Variants in ARHGEF6 observed in about 807,000 individuals in gnomAD.
ARHGEF6 encodes the protein rho guanine nucleotide exchange factor 6.
In ARHGEF6, 9 loss-of-function variants were observed where a neutral mutation model predicts 70.3. That is an observed-to-expected ratio of 0.13 (90% CI 0.08 to 0.22). ARHGEF6 has a LOEUF of 0.22. Ranked by LOEUF, ARHGEF6 falls within the 10% of genes least tolerant of loss-of-function variation. ARHGEF6 has a pLI of 1.00. For missense variants in ARHGEF6, 470 were observed against 563.0 expected (o/e 0.83, Z 1.67); for synonymous variants, 201 against 207.8 (o/e 0.97, Z 0.28).
intron 6 of ARHGEF6, among the ~76,000 whole-genome samples, chrX:136,730,089 T>C (rs1480965825): frequency 1.8e-5 from 2 of 110,918 alleles, no homozygotes; most frequent in Non-Finnish European, 3.8e-5. Flanking sequence ...TTTAAAAACA[T>C]TTATATAACT....
At chrX:136,689,150 G>A (rs950425479) in intron 10 of ARHGEF6, among the ~76,000 whole-genome samples, 1 of 112,397 alleles carries the variant, frequency 8.9e-6, no homozygotes, top group African/African-American at 3.2e-5. Flanking sequence ...CAAATCAACT[G>A]ACAAACAAGA....
At chrX:136,755,806 A>G (rs935215845) in intron 2 of ARHGEF6, among the ~76,000 whole-genome samples, 1 of 111,921 alleles carries the variant, frequency 8.9e-6, no homozygotes, top group African/African-American at 3.2e-5. Flanking sequence ...ATTAGTCCTG[A>G]ATTTCCTATT....
At chrX:136,725,684 T>C (rs2076845719) in intron 6 of ARHGEF6, among the ~76,000 whole-genome samples, 1 of 111,845 alleles carries the variant, frequency 8.9e-6, no homozygotes, top group Non-Finnish European at 1.9e-5. Context: ...TTCAGAGCAG[T>C]ACAATTTGAT....
intron 2 of ARHGEF6, among the ~76,000 whole-genome samples, chrX:136,758,031 CTTTTTTTTTTTTTTTTTTT>C (rs1164537601): frequency 9.3e-4 from 13 of 14,033 alleles, no homozygotes; most frequent in Admixed American, 2.5e-3. Context: ...AAAATAAATT[CTTTTTTTTTTTTTTTTTTT>C]TTTTTTTTTT....
chrX:136,715,727 C>T (rs1417554027), intron 6 of ARHGEF6, among the ~76,000 whole-genome samples: 1 of 110,935 alleles, frequency 9.0e-6, no homozygotes, highest in Non-Finnish European at 1.9e-5. Context: ...AATATTAGGA[C>T]AGCACACTCA....
At position 136,678,096 on chromosome X, in the gene ARHGEF6, A is replaced by G. The variant is rs183436762; in HGVS notation, c.1831-140T>C. 173 of 557,234 alleles carry G rather than the reference A, an allele frequency of 3.1e-4. No individual in the cohort carries two copies. The African/African-American group carries it at 3.3e-3, about 11-fold the overall frequency. 45.9% of individuals were successfully genotyped at this position (557,234 alleles called of 1,213,427 possible). ...AATTACACAGAGGGAATATAATCAC[A>G]TTTCCCACATTAGTTTCAGATGCAA... On this transcript the variant is annotated intron_variant, in intron 16 of 21. Coordinates refer to ENST00000250617, the MANE Select transcript of ARHGEF6 (RefSeq NM_004840.3).
Position 136,708,733 on chromosome X carries a change from A to G in ARHGEF6, c.865T>C (p.Phe289Leu). The G allele has an allele frequency of 8.3e-7, 1 of 1,205,452 alleles. No individual in the cohort carries two copies. Among genetic ancestry groups the G allele is most frequent in the Non-Finnish European group, 1.1e-6 (1 of 890,440 alleles). ...TVEVTSLLGN[F>L]EEVCTFQQTL... ...TGTTGAAATGTGCATACTTCCTCGA[A>G]GTTTCCCAGTAAAGATGTAACCTCC... Residue 289 changes from phenylalanine to leucine, a missense_variant, in exon 8 of 22, where the codon TTC becomes CTC. Physicochemically the swap from Phe to Leu is conservative, Grantham distance 22 (BLOSUM62 0). Coordinates refer to ENST00000250617, the MANE Select transcript of ARHGEF6 (RefSeq NM_004840.3).
chrX:136,746,343 C>T (rs756996906), intron 3 of ARHGEF6, among the ~76,000 whole-genome samples: 9 of 112,304 alleles, frequency 8.0e-5, no homozygotes, highest in East Asian at 5.5e-4. Context: ...TTCAGCTATA[C>T]GCCTTGCAAT....
chrX:136,729,012 CT>C (rs1569411804), intron 6 of ARHGEF6, among the ~76,000 whole-genome samples: 57 of 71,803 alleles, frequency 7.9e-4, no homozygotes, highest in Non-Finnish European at 1.2e-3. Flanking sequence ...CTCTCTCTCT[CT>C]CTCTCTCTCT....
chrX:136,775,279 T>C (rs992581219), intron 2 of ARHGEF6, among the ~76,000 whole-genome samples: 9 of 111,372 alleles, frequency 8.1e-5, no homozygotes, highest in Admixed American at 5.8e-4. Flanking sequence ...CTGATGAACA[T>C]AGATGCAAAA....
At position 136,767,377 on chromosome X, in the gene ARHGEF6, G is replaced by A. The variant is rs184204511; in HGVS notation, c.249+12037C>T. 4,912 of 754,284 alleles carry A rather than the reference G, an allele frequency of 6.5e-3. 17 individuals are homozygous for A. The highest frequency in any genetic ancestry group is 0.019 in the South Asian group (279 of 14,840). The allele number at this position is 754,284 out of a possible 1,213,427, so 62.2% of individuals were successfully genotyped here. On this transcript the variant is annotated intron_variant, in intron 2 of 21. Transcript: ENST00000250617. The stretch of plus-strand genomic sequence containing the variant: ...GGGCTAGGCTCGCCCCAGCGGGGAG[G>A]GGCGGCTGCAACTTTGCGCCTGGAC...
intron 9 of ARHGEF6, among the ~76,000 whole-genome samples, chrX:136,700,301 G>A (rs2076556504): frequency 9.0e-6 from 1 of 111,176 alleles, no homozygotes; most frequent in East Asian, 2.8e-4. Flanking sequence ...GTGGCAGGTG[G>A]ATCACTTGAG....
chrX:136,669,527 A>G lies in ARHGEF6; in HGVS notation c.2145T>C (p.Val715=), dbSNP rs1442528440. 3.3e-6 allele frequency: 4 copies of G among 1,206,885 alleles called. No individual in the cohort carries two copies. Among genetic ancestry groups the G allele is most frequent in the Non-Finnish European group, 4.5e-6 (4 of 890,874 alleles). The change falls in exon 21 of 22, where the codon GTT becomes GTC. Residue 715 remains valine, a synonymous_variant. Transcript: ENST00000250617. ...GQTIMEEKSL[V]DTVYALKDEV... ...CGTCCTTCAAGGCGTAAACAGTATC[A>G]ACAAGGCTCCTAGAAAATAAAGATA...
intron 10 of ARHGEF6, among the ~76,000 whole-genome samples, chrX:136,688,587 G>A (rs1024559979): frequency 2.7e-5 from 3 of 110,220 alleles, no homozygotes; most frequent in Non-Finnish European, 3.8e-5. Context: ...TGAGCCCAGA[G>A]GTCGAGACTG....
intron 7 of ARHGEF6, among the ~76,000 whole-genome samples, chrX:136,712,270 G>A (rs2076694159): frequency 1.8e-5 from 2 of 110,774 alleles, no homozygotes; most frequent in African/African-American, 3.3e-5. Flanking sequence ...TACCACGCCC[G>A]GCTAATTTGC....
chrX:136,719,485 ATG>A (rs753819053), intron 6 of ARHGEF6, among the ~76,000 whole-genome samples: 1 of 112,191 alleles, frequency 8.9e-6, no homozygotes, highest in South Asian at 3.6e-4. Context: ...GAACATTAAA[ATG>A]TGCGGAATGC....
At chrX:136,775,427 C>T (rs944821848) in intron 2 of ARHGEF6, among the ~76,000 whole-genome samples, 1 of 111,920 alleles carries the variant, frequency 8.9e-6, no homozygotes, top group East Asian at 2.8e-4. Context: ...ACCACATAAA[C>T]AGAATTAAAA....
At chrX:136,750,048 T>C (rs2077134393) in intron 2 of ARHGEF6, among the ~76,000 whole-genome samples, 1 of 111,757 alleles carries the variant, frequency 8.9e-6, no homozygotes, top group Admixed American at 9.5e-5. Context: ...ATTTATGTCT[T>C]AGTGGAAATG....
chrX:136,759,042 G>C (rs2077239494), intron 2 of ARHGEF6, among the ~76,000 whole-genome samples: 1 of 111,820 alleles, frequency 8.9e-6, no homozygotes, highest in African/African-American at 3.3e-5. Context: ...CTCAAATCAA[G>C]ATTTGCCCCA....
Sources: gnomAD v4.1 joint callset for allele counts (sites outside exome capture counted in the v4.1 genomes callset) on GRCh38, gnomAD v4.1.1 for gene constraint, MANE v1.5 for transcripts, NCBI Gene and HGNC (gene_info 2026-07-23, HGNC 2026-07-21) for gene names.